GALNTL6: variants seen among roughly 807,000 people sequenced by gnomAD.
GALNTL6 encodes polypeptide N-acetylgalactosaminyltransferase-like 6.
In GALNTL6, 46 loss-of-function variants were observed where a neutral mutation model predicts 73.7. That is an observed-to-expected ratio of 0.62 (90% CI 0.49 to 0.80). The LOEUF (loss-of-function observed/expected upper bound fraction) is 0.80. GALNTL6 is among the 30% of genes least tolerant of loss of function. The pLI is 0.00. For synonymous variants in GALNTL6, 259 were observed against 263.7 expected (o/e 0.98, Z 0.17); for missense variants, 604 against 755.0 (o/e 0.80, Z 2.34).
intron 5 of GALNTL6, among the ~76,000 whole-genome samples, chr4:172,498,584 A>G (rs1734151501): frequency 6.6e-6 from 1 of 152,190 alleles, no homozygotes; most frequent in Non-Finnish European, 1.5e-5. Flanking sequence ...TTTTATTTTG[A>G]GTCTCAGAGT....
At chr4:172,670,077 C>A (rs1441211163) in intron 5 of GALNTL6, among the ~76,000 whole-genome samples, 1 of 152,162 alleles carries the variant, frequency 6.6e-6, no homozygotes, top group Non-Finnish European at 1.5e-5. Flanking sequence ...CATTGATGGG[C>A]ATTTAGGTTG....
chr4:172,516,728 A>G (rs1265782263), intron 5 of GALNTL6, among the ~76,000 whole-genome samples: 3 of 152,188 alleles, frequency 2.0e-5, no homozygotes, highest in African/African-American at 4.8e-5. Flanking sequence ...AAAGATTTGT[A>G]TATCCATGTT....
intron 3 of GALNTL6, among the ~76,000 whole-genome samples, chr4:172,238,434 G>A (rs1049870857): frequency 2.0e-5 from 3 of 152,018 alleles, no homozygotes; most frequent in African/African-American, 4.8e-5. Context: ...TGCTACTAAT[G>A]TTTCTACATT....
chr4:172,379,903 A>T, intron 5 of GALNTL6: 1 of 547,076 alleles, frequency 1.8e-6, no homozygotes, highest in Non-Finnish European at 3.3e-6. Context: ...TAATCACCAA[A>T]GGACTGAAGA....
intron 5 of GALNTL6, among the ~76,000 whole-genome samples, chr4:172,368,969 T>C (rs1742679300): frequency 6.6e-6 from 1 of 152,152 alleles, no homozygotes; most frequent in South Asian, 2.1e-4. Flanking sequence ...ACCCAAAGAA[T>C]GAGCAGCAGC....
rs566839518 is a variant in GALNTL6 at position 171,904,396 on chromosome 4, G to A, written c.138+89678G>A. On this transcript the variant is annotated intron_variant, in intron 2 of 12. Coordinates refer to ENST00000506823, the MANE Select transcript of GALNTL6 (RefSeq NM_001034845.3). ...ATCAACTGGAAGAAAGGGTATCAGC[G>A]ATGGAAGATGAAATGAATGAAACAA... 1.6e-3 allele frequency among the ~76,000 whole-genome samples: 239 copies of A among 152,258 alleles called. 1 individual carries two copies. Among genetic ancestry groups the A allele is most frequent in the African/African-American group, 4.9e-3 (205 of 41,560 alleles).
chr4:172,411,411 A>G (rs1401786028), intron 5 of GALNTL6, among the ~76,000 whole-genome samples: 1 of 152,208 alleles, frequency 6.6e-6, no homozygotes, highest in Non-Finnish European at 1.5e-5. Context: ...ATTAGCATGC[A>G]GTTGGAATCT....
At chr4:172,880,885 G>C (rs186795408) in intron 7 of GALNTL6, among the ~76,000 whole-genome samples, 17 of 152,050 alleles carry the variant, frequency 1.1e-4, no homozygotes, top group African/African-American at 2.7e-4. Context: ...GTATAAACTC[G>C]TTAAGAAAAC....
intron 10 of GALNTL6, among the ~76,000 whole-genome samples, chr4:172,960,505 A>G (rs963761590): frequency 8.5e-5 from 13 of 152,140 alleles, no homozygotes; most frequent in African/African-American, 2.9e-4. Context: ...GGGTCTGTAG[A>G]AAAGGAAGAT....
intron 2 of GALNTL6, among the ~76,000 whole-genome samples, chr4:172,138,482 T>C (rs1238590564): frequency 2.2e-4 from 1 of 4,450 alleles, no homozygotes; most frequent in African/African-American, 5.7e-4. Flanking sequence ...ACTGCCTATA[T>C]ATATATATAT....
intron 10 of GALNTL6, among the ~76,000 whole-genome samples, chr4:172,996,820 C>T (rs1751812450): frequency 6.9e-6 from 1 of 145,124 alleles, no homozygotes; most frequent in Non-Finnish European, 1.5e-5. Context: ...CACTCTTCTG[C>T]CATTTTCTAA....
intron 5 of GALNTL6, among the ~76,000 whole-genome samples, chr4:172,518,375 T>C (rs1387199959): frequency 6.6e-6 from 1 of 151,946 alleles, no homozygotes; most frequent in Non-Finnish European, 1.5e-5. Context: ...CTTAAGTATA[T>C]TGTTTTTAAG....
chr4:172,645,255 T>C (rs887321792), intron 5 of GALNTL6, among the ~76,000 whole-genome samples: 1 of 152,098 alleles, frequency 6.6e-6, no homozygotes. Context: ...AATGTCTGTA[T>C]TTAAGAAAAA....
At chr4:172,027,876 A>C (rs1741637316) in intron 2 of GALNTL6, among the ~76,000 whole-genome samples, 1 of 152,160 alleles carries the variant, frequency 6.6e-6, no homozygotes, top group Admixed American at 6.6e-5. Context: ...AGGATCCAAG[A>C]TAGAACAGGT....
intron 3 of GALNTL6, among the ~76,000 whole-genome samples, chr4:172,293,211 G>C (rs544569107): frequency 6.6e-6 from 1 of 152,218 alleles, no homozygotes; most frequent in South Asian, 2.1e-4. Flanking sequence ...ATCCTTGGAT[G>C]ACAATAGCAA....
chr4:173,000,506 A>C (rs1350205674), intron 10 of GALNTL6, among the ~76,000 whole-genome samples: 3 of 152,240 alleles, frequency 2.0e-5, no homozygotes, highest in African/African-American at 7.2e-5. Flanking sequence ...GATTAGATGC[A>C]ATCTATCAAA....
intron 5 of GALNTL6, among the ~76,000 whole-genome samples, chr4:172,466,958 T>C (rs1372034253): frequency 6.6e-6 from 1 of 152,200 alleles, no homozygotes; most frequent in Non-Finnish European, 1.5e-5. Flanking sequence ...TTAGTAACGC[T>C]GCAACTGATT....
chr4:172,331,915 G>C (rs1381891339), intron 4 of GALNTL6, among the ~76,000 whole-genome samples: 1 of 152,068 alleles, frequency 6.6e-6, no homozygotes, highest in African/African-American at 2.4e-5. Context: ...TCATATTTTA[G>C]TACTATTATT....
chr4:172,736,276 C>T (rs570957046), intron 5 of GALNTL6, among the ~76,000 whole-genome samples: 13 of 152,286 alleles, frequency 8.5e-5, no homozygotes, highest in African/African-American at 2.4e-4. Flanking sequence ...ACTCCCAGAG[C>T]GACTATTTTA....
Sources: allele counts gnomAD v4.1 joint callset (sites outside exome capture counted in the v4.1 genomes callset), GRCh38; gene constraint gnomAD v4.1.1; transcripts MANE v1.5; gene names NCBI Gene and HGNC (gene_info 2026-07-23, HGNC 2026-07-21).